The following CDH18 variants were observed in gnomAD, a reference collection of about 807,000 sequenced individuals.
The protein encoded by CDH18 is cadherin-18.
A neutral mutation model predicts 67.9 loss-of-function variants in CDH18; 31 were observed. The observed-to-expected ratio is 0.46, with a 90% CI of 0.34 to 0.62. The LOEUF is 0.62. Among genes scored for constraint, CDH18 ranks in the 20% least tolerant of loss-of-function variants. The probability of loss-of-function intolerance (pLI) is 0.01; values close to 1 mark genes in which losing one functional copy is unlikely to be tolerated. For synonymous variants in CDH18, 362 were observed against 347.2 expected (o/e 1.04, Z -0.48); for missense variants, 890 against 975.5 (o/e 0.91, Z 1.17).
At chr5:20,075,758 C>A (rs1580181835) in intron 2 of CDH18, among the ~76,000 whole-genome samples, 1 of 152,122 alleles carries the variant, frequency 6.6e-6, no homozygotes, top group Non-Finnish European at 1.5e-5. Context: ...TTTTCTAATG[C>A]AAAATTCCCC....
chr5:19,638,977 G>GTTTTTTTTTTTTTTTTTTTTTTTTTTTT (rs34631530), intron 5 of CDH18, among the ~76,000 whole-genome samples: 13 of 54,718 alleles, frequency 2.4e-4, no homozygotes, highest in African/African-American at 6.8e-4. Context: ...TTTTGTTGCT[G>GTTTTTTTTTTTTTTTTTTTTTTTTTTTT]TTTTTTTTTT....
At chr5:20,069,237 G>T (rs928012992) in intron 2 of CDH18, among the ~76,000 whole-genome samples, 2 of 151,822 alleles carry the variant, frequency 1.3e-5, no homozygotes, top group African/African-American at 4.8e-5. Context: ...CTTGGTACTT[G>T]CTATGCTTTC....
chr5:20,133,425 C>T (rs1170745219), intron 2 of CDH18, among the ~76,000 whole-genome samples: 1 of 152,064 alleles, frequency 6.6e-6, no homozygotes, highest in Non-Finnish European at 1.5e-5. Flanking sequence ...GGGAAAAAAC[C>T]TCCTCCATGA....
intron 5 of CDH18, among the ~76,000 whole-genome samples, chr5:19,645,806 T>C (rs893464070): frequency 6.6e-6 from 1 of 152,118 alleles, no homozygotes; most frequent in Non-Finnish European, 1.5e-5. Flanking sequence ...ATCGATGAGG[T>C]GAGAAAGTGA....
At chr5:20,487,267 T>G (rs1470257630) in intron 1 of CDH18, among the ~76,000 whole-genome samples, 1 of 151,820 alleles carries the variant, frequency 6.6e-6, no homozygotes, top group East Asian at 1.9e-4. Flanking sequence ...CATTTTCTGT[T>G]TCCTATGCTG....
At chr5:20,208,750 A>G (rs1038870065) in intron 2 of CDH18, among the ~76,000 whole-genome samples, 3 of 152,118 alleles carry the variant, frequency 2.0e-5, no homozygotes, top group Admixed American at 2.0e-4. Flanking sequence ...ATGCTTCTGC[A>G]CAGCCAAAGA....
intron 1 of CDH18, among the ~76,000 whole-genome samples, chr5:20,406,607 C>T (rs576049556): frequency 6.6e-6 from 1 of 151,432 alleles, no homozygotes; most frequent in African/African-American, 2.4e-5. Context: ...AAATGAAAAA[C>T]AATAATAAAT....
chr5:19,564,212 T>C (rs1306851888), intron 8 of CDH18, among the ~76,000 whole-genome samples: 1 of 152,150 alleles, frequency 6.6e-6, no homozygotes, highest in Non-Finnish European at 1.5e-5. Flanking sequence ...CCAGTGGATC[T>C]GGAGTGCAGG....
rs1739837016 is a variant in CDH18 at position 19,483,467 on chromosome 5, A to G, written c.1716T>C (p.Asp572=). Residue 572 remains aspartate, a synonymous_variant, in exon 12 of 13, where the codon GAT becomes GAC. Coordinates refer to ENST00000382275, the MANE Select transcript of CDH18 (RefSeq NM_004934.5). The stretch of plus-strand genomic sequence containing the variant: ...TGCTGCTGAGAGAGGGGATTCCACC[A>G]TCAGAGATCATAATGGGCAGATAAT... The part of the protein sequence containing the change: ...DVYYLPIMIS[D]GGIPSLSSSS... The G allele has an allele frequency of 6.2e-7, 1 of 1,614,158 alleles. No individual in the cohort carries two copies. The highest frequency in any genetic ancestry group is 8.5e-7 in the Non-Finnish European group (1 of 1,180,018).
intron 2 of CDH18, among the ~76,000 whole-genome samples, chr5:20,215,604 A>G (rs76950510): frequency 0.15 from 23,026 of 151,894 alleles, 2,660 homozygotes; most frequent in African/African-American, 0.33. Context: ...CTACCATTTA[A>G]CTCACAATTC....
intron 2 of CDH18, among the ~76,000 whole-genome samples, chr5:19,896,665 T>G (rs1276330933): frequency 1.3e-5 from 2 of 152,184 alleles, no homozygotes; most frequent in African/African-American, 4.8e-5. Context: ...TTCTAGCGTT[T>G]TAAGCCAATG....
At chr5:20,277,656 C>G (rs749764809) in intron 1 of CDH18, among the ~76,000 whole-genome samples, 2 of 152,026 alleles carry the variant, frequency 1.3e-5, no homozygotes, top group Non-Finnish European at 2.9e-5. Context: ...AAAACATGAC[C>G]TCACTAATAA....
chr5:20,125,098 A>G (rs953196021), intron 2 of CDH18, among the ~76,000 whole-genome samples: 1 of 152,236 alleles, frequency 6.6e-6, no homozygotes, highest in Non-Finnish European at 1.5e-5. Context: ...GTGACCAAGT[A>G]TGGAAATAAA....
intron 2 of CDH18, among the ~76,000 whole-genome samples, chr5:20,099,241 A>T (rs1561789639): frequency 6.6e-6 from 1 of 152,164 alleles, no homozygotes; most frequent in Non-Finnish European, 1.5e-5. Flanking sequence ...TTTCTGAGAG[A>T]GGACATAATC....
chr5:20,517,011 C>T (rs1221713307), intron 1 of CDH18, among the ~76,000 whole-genome samples: 1 of 151,900 alleles, frequency 6.6e-6, no homozygotes, highest in Non-Finnish European at 1.5e-5. Context: ...TCTTAAAGCA[C>T]ATTTTGTAGT....
At chr5:20,417,469 TTTCC>T (rs1747410776) in intron 1 of CDH18, among the ~76,000 whole-genome samples, 4 of 152,200 alleles carry the variant, frequency 2.6e-5, no homozygotes. Context: ...AATTCTATGA[TTTCC>T]AATGGTCTGT....
At chr5:20,246,054 A>G (rs951962293) in intron 2 of CDH18, among the ~76,000 whole-genome samples, 1 of 152,178 alleles carries the variant, frequency 6.6e-6, no homozygotes, top group African/African-American at 2.4e-5. Context: ...AAGCAGTAGC[A>G]TATAAAATTA....
rs146590877 is a variant in CDH18, at chr5:19,948,339, A to C, written c.-257+32721T>G. Among the ~76,000 whole-genome samples, 11 of 152,332 alleles carry C rather than the reference A, an allele frequency of 7.2e-5. No individual in the cohort carries two copies. In the East Asian group the frequency reaches 2.1e-3, roughly 29 times the overall value. ...AAATGTTTATAATAAGTCAAAAGTT[A>C]AATCAAATGTCCTTCAACGGGTGAA... On this transcript the variant is annotated intron_variant, in intron 2 of 12. Transcript: ENST00000382275.
chr5:19,684,332 T>C (rs1352729875), intron 5 of CDH18, among the ~76,000 whole-genome samples: 1 of 151,594 alleles, frequency 6.6e-6, no homozygotes, highest in East Asian at 1.9e-4. Flanking sequence ...ACCAAATATA[T>C]ATGAATTAAA....
Sources: allele counts gnomAD v4.1 joint callset (sites outside exome capture counted in the v4.1 genomes callset), GRCh38; gene constraint gnomAD v4.1.1; transcripts MANE v1.5; gene names NCBI Gene and HGNC (gene_info 2026-07-23, HGNC 2026-07-21).